TINAG: variants seen among roughly 807,000 people sequenced by gnomAD.
The protein encoded by TINAG is tubulointerstitial nephritis antigen.
In TINAG, 83 loss-of-function variants were observed where a neutral mutation model predicts 72.7. That is an observed-to-expected ratio of 1.14 (90% CI 0.96 to 1.37). The LOEUF (loss-of-function observed/expected upper bound fraction) is 1.37. Among genes scored for constraint, TINAG ranks in the 40% most tolerant of loss-of-function variants. The pLI, the probability that TINAG is intolerant of heterozygous loss-of-function variation, is 0.00. For synonymous variants in TINAG, 234 were observed against 189.9 expected (o/e 1.23, Z -1.91); for missense variants, 685 against 576.6 (o/e 1.19, Z -1.93).
chr6:54,377,278 G>A (rs969482303), intron 9 of TINAG, among the ~76,000 whole-genome samples: 1 of 151,948 alleles, frequency 6.6e-6, no homozygotes, highest in Non-Finnish European at 1.5e-5. Context: ...TTGGGAGGCC[G>A]AGGCGGGAGT....
chr6:54,343,807 A>G (rs1047983542), intron 5 of TINAG, among the ~76,000 whole-genome samples: 2 of 152,150 alleles, frequency 1.3e-5, no homozygotes, highest in Non-Finnish European at 2.9e-5. Context: ...ATAATAATGG[A>G]TCAAATGGAT....
chr6:54,360,843 T>TTTTTTTTTTTTTTTG (rs1763208999), intron 9 of TINAG, among the ~76,000 whole-genome samples: 1 of 56,474 alleles, frequency 1.8e-5, no homozygotes, highest in Non-Finnish European at 3.4e-5. Flanking sequence ...GATACTGTGT[T>TTTTTTTTTTTTTTTG]TTTTTTTTTT....
chr6:54,370,741 C>T (rs2150974791), intron 9 of TINAG, among the ~76,000 whole-genome samples: 1 of 152,074 alleles, frequency 6.6e-6, no homozygotes, highest in South Asian at 2.1e-4. Context: ...GTGCAGAGGG[C>T]CCTGGGGATG....
At chr6:54,329,184 C>G (rs975461093) in intron 4 of TINAG, among the ~76,000 whole-genome samples, 2 of 151,802 alleles carry the variant, frequency 1.3e-5, no homozygotes, top group Non-Finnish European at 2.9e-5. Context: ...AGATTCACCA[C>G]GGTTAAAATG....
intron 9 of TINAG, among the ~76,000 whole-genome samples, chr6:54,374,540 C>A (rs923551375): frequency 6.6e-6 from 1 of 152,056 alleles, no homozygotes; most frequent in African/African-American, 2.4e-5. Flanking sequence ...TTCTTAAAAA[C>A]GAAGTTCCTA....
chr6:54,348,754 G>A (rs1785190149), intron 6 of TINAG, among the ~76,000 whole-genome samples: 1 of 152,040 alleles, frequency 6.6e-6, no homozygotes, highest in Non-Finnish European at 1.5e-5. Flanking sequence ...GAATTTTAAA[G>A]TGACACCATT....
intron 9 of TINAG, among the ~76,000 whole-genome samples, chr6:54,356,630 C>G (rs912967429): frequency 2.6e-5 from 4 of 151,862 alleles, no homozygotes; most frequent in African/African-American, 9.7e-5. Context: ...CTCTCTCTCT[C>G]TGTTAGTGAA....
chr6:54,347,237 C>T (rs1217914606), intron 5 of TINAG, 130 bp from the exon 6 acceptor site: 1 of 830,436 alleles, frequency 1.2e-6, no homozygotes, highest in Non-Finnish European at 1.8e-6. Flanking sequence ...TATATTAATG[C>T]TCTTTGGCTT....
chr6:54,383,985 A>T (rs536952692), intron 10 of TINAG, among the ~76,000 whole-genome samples: 1 of 152,342 alleles, frequency 6.6e-6, no homozygotes, highest in East Asian at 1.9e-4. Flanking sequence ...TGGATAAAGA[A>T]AATGTGGCAC....
chr6:54,327,347 G>A (rs1235017058), intron 4 of TINAG: 2 of 551,228 alleles, frequency 3.6e-6, no homozygotes, highest in South Asian at 2.1e-5. Flanking sequence ...GAAGAGCAAG[G>A]AGGCTGGGAA....
rs552011435 is a variant in TINAG, at chr6:54,314,763, G to A, written c.356-5816G>A. 1.3e-4 allele frequency among the ~76,000 whole-genome samples: 20 copies of A among 152,132 alleles called. 1 individual carries two copies. The South Asian group carries it at 3.3e-3, about 25-fold the overall frequency. ...GATTTTCTTATTTGAGGCATACAGT[G>A]CATACAAAAAAAGTAGTTGCTACTT... On this transcript the variant is annotated intron_variant, in intron 1 of 10. Transcript: ENST00000259782.
chr6:54,384,492 C>T (rs984095987), intron 10 of TINAG, among the ~76,000 whole-genome samples: 3 of 151,904 alleles, frequency 2.0e-5, no homozygotes, highest in African/African-American at 7.3e-5. Context: ...TCAAAAAAAG[C>T]AGCACTGACT....
intron 8 of TINAG, among the ~76,000 whole-genome samples, chr6:54,352,125 A>G (rs1374438437): frequency 6.6e-6 from 1 of 151,826 alleles, no homozygotes; most frequent in Non-Finnish European, 1.5e-5. Flanking sequence ...AACAAATCCA[A>G]TGAGGTCTAA....
At chr6:54,372,736 A>G (rs1162074020) in intron 9 of TINAG, among the ~76,000 whole-genome samples, 10 of 4,916 alleles carry the variant, frequency 2.0e-3, no homozygotes, top group Non-Finnish European at 3.2e-3. Context: ...ACATATATAT[A>G]TATATATATA....
At chr6:54,344,104 A>T (rs1785065245) in intron 5 of TINAG, among the ~76,000 whole-genome samples, 1 of 152,198 alleles carries the variant, frequency 6.6e-6, no homozygotes, top group Admixed American at 6.6e-5. Context: ...AATTATCTTC[A>T]TAAAACCATG....
Position 54,347,665 on chromosome 6 carries a change from T to C in TINAG, c.899+148T>C, listed in dbSNP as rs1159385247. 8 of 846,620 alleles carry C rather than the reference T, an allele frequency of 9.4e-6. No individual in the cohort carries two copies. In the Admixed American group the frequency reaches 2.5e-4, roughly 27 times the overall value. The allele number at this position is 846,620 out of a possible 1,614,324, so 52.4% of individuals were successfully genotyped here. A position where few individuals can be genotyped will look rare whatever the true frequency, so the allele number is the denominator to read the frequency against. On this transcript the variant is annotated intron_variant, in intron 6 of 10. Coordinates refer to ENST00000259782, the MANE Select transcript of TINAG (RefSeq NM_014464.4). ...TGAATATAAATATGCTACATTTAAATGTATACTATATTTCTTATCTATTGG... is the reference window on the plus strand; with the variant it reads ...TGAATATAAATATGCTACATTTAAACGTATACTATATTTCTTATCTATTGG...
At chr6:54,387,501 C>A (rs2150986756) in intron 10 of TINAG, among the ~76,000 whole-genome samples, 1 of 152,162 alleles carries the variant, frequency 6.6e-6, no homozygotes, top group Admixed American at 6.5e-5. Flanking sequence ...TGCATTATTC[C>A]ATTTTTGTAA....
At chr6:54,354,390 A>G in intron 8 of TINAG, 123 bp from the exon 9 acceptor site, 1 of 861,502 alleles carries the variant, frequency 1.2e-6, no homozygotes. Flanking sequence ...GCTGAATCAC[A>G]CAGCCCCTTC....
intron 4 of TINAG, among the ~76,000 whole-genome samples, chr6:54,337,902 G>T (rs1784905002): frequency 6.6e-6 from 1 of 152,126 alleles, no homozygotes; most frequent in Non-Finnish European, 1.5e-5. Flanking sequence ...GCTCATCTCA[G>T]AATTTTTTCA....
Sources: gnomAD v4.1 joint callset for allele counts (sites outside exome capture counted in the v4.1 genomes callset) on GRCh38, gnomAD v4.1.1 for gene constraint, MANE v1.5 for transcripts, NCBI Gene and HGNC (gene_info 2026-07-23, HGNC 2026-07-21) for gene names.